The following ERCC8 variants were observed in gnomAD, a reference collection of about 807,000 sequenced individuals.
The protein encoded by ERCC8 is DNA excision repair protein ERCC-8.
ERCC8 carries 52 observed loss-of-function variants against 54.9 expected under a neutral mutation model. That is an observed-to-expected ratio of 0.95 (90% CI 0.76 to 1.19). The LOEUF (loss-of-function observed/expected upper bound fraction) is 1.19. ERCC8 is among the 50% of genes most tolerant of loss of function. The pLI is 0.00. For missense variants in ERCC8, 514 were observed against 466.1 expected (o/e 1.10, Z -0.95); for synonymous variants, 146 against 157.2 (o/e 0.93, Z 0.53).
rs948929718 is a variant in ERCC8, at chr5:60,880,769, AT to A, written c.1123-6087del. Among the ~76,000 whole-genome samples the A allele has an allele frequency of 3.3e-5, 5 of 151,726 alleles. No individual in the cohort carries two copies. In the South Asian group the frequency reaches 1.0e-3, roughly 32 times the overall value. On this transcript the variant is annotated intron_variant, in intron 11 of 11. Coordinates refer to ENST00000676185, the MANE Select transcript of ERCC8 (RefSeq NM_000082.4). ...GTTATTCTAGTTAGCCATTTGTCTA[AT>A]TTTTTTTCAAGGTTTTTAACTTCTT...
At chr5:60,895,503 C>T (rs117415642) in intron 9 of ERCC8, among the ~76,000 whole-genome samples, 5 of 152,030 alleles carry the variant, frequency 3.3e-5, no homozygotes, top group East Asian at 3.9e-4. Flanking sequence ...ATCTGTTAAA[C>T]GGAAATAACA....
At chr5:60,912,547 C>G (rs1250379013) in intron 4 of ERCC8, among the ~76,000 whole-genome samples, 1 of 151,936 alleles carries the variant, frequency 6.6e-6, no homozygotes, top group African/African-American at 2.4e-5. Flanking sequence ...ACAGGGAGAA[C>G]TTGACTTCCT....
In ERCC8 at chr5:60,869,047, C is replaced by T. The variant is rs985190983; in HGVS notation, c.*5568G>A. 1.3e-5 allele frequency among the ~76,000 whole-genome samples: 2 copies of T among 151,772 alleles called. No homozygotes were observed. The highest frequency in any genetic ancestry group is 1.9e-4 in the East Asian group (1 of 5,190). ...TGCTTTAGTGATAAGTTTTTTAGTT[C>T]GGGCTCAATAATTAGCACCTGAACA... On this transcript the variant is annotated 3_prime_UTR_variant, in exon 12 of 12. Transcript: ENST00000676185.
rs376401893 is a variant in ERCC8 at position 60,924,475 on chromosome 5, T to C, written c.174-2320A>G. The C allele has an allele frequency of 1.2e-4, 18 of 154,698 alleles. No homozygotes were observed. In the East Asian group the frequency reaches 3.5e-3, roughly 30 times the overall value. The allele number at this position is 154,698 out of a possible 1,614,324, so 9.6% of individuals were successfully genotyped here. A position where few individuals can be genotyped will look rare whatever the true frequency, so the allele number is the denominator to read the frequency against. On this transcript the variant is annotated intron_variant, in intron 2 of 11. Coordinates refer to ENST00000676185, the MANE Select transcript of ERCC8 (RefSeq NM_000082.4). ...TATAAAATCCTTGACTCACATTTTA[T>C]TTCCTTGAGCATCTTGGATAAGAAG...
At chr5:60,933,567 T>A (rs1162969293) in intron 1 of ERCC8, among the ~76,000 whole-genome samples, 1 of 152,200 alleles carries the variant, frequency 6.6e-6, no homozygotes, top group East Asian at 1.9e-4. Flanking sequence ...TTTACTTTTT[T>A]GAATTTTTAG....
chr5:60,928,981 A>C (rs927474367), intron 1 of ERCC8, 22 bp from the exon 2 acceptor site: 4 of 1,347,164 alleles, frequency 3.0e-6, no homozygotes, highest in Admixed American at 1.7e-5. Context: ...AAGGGGGAGA[A>C]AGAAATTAAC....
chr5:60,887,419 AT>A lies in ERCC8; in HGVS notation c.1122+20del. The A allele has an allele frequency of 1.9e-6, 3 of 1,552,548 alleles. No homozygotes were observed. Among genetic ancestry groups the A allele is most frequent in the Non-Finnish European group, 2.7e-6 (3 of 1,124,120 alleles). On this transcript the variant is annotated intron_variant, in intron 11 of 11. Coordinates refer to ENST00000676185, the MANE Select transcript of ERCC8 (RefSeq NM_000082.4). ...CTTAAGCTTTAGAAGTCACTGTACC[AT>A]TTGTGAAAATAATATTTACCTCATC...
Position 60,933,938 on chromosome 5 carries a change from T to TACAC in ERCC8, c.78-4983_78-4980dup, listed in dbSNP as rs70977815. On this transcript the variant is annotated intron_variant, in intron 1 of 11. Coordinates refer to ENST00000676185, the MANE Select transcript of ERCC8 (RefSeq NM_000082.4). ...TTTATGGCTGAGTAGTATTCCATGATACACACACACACACACACAACCACA... is the reference window on the plus strand; with the variant it reads ...TTTATGGCTGAGTAGTATTCCATGATACACACACACACACACACACACAACCACA... Among the ~76,000 whole-genome samples the TACAC allele has an allele frequency of 2.2e-3, 332 of 151,088 alleles. 5 individuals carry two copies. Among genetic ancestry groups the TACAC allele is most frequent in the African/African-American group, 7.5e-3 (311 of 41,280 alleles).
intron 7 of ERCC8, among the ~76,000 whole-genome samples, chr5:60,900,330 G>C (rs1748838908): frequency 6.6e-6 from 1 of 151,838 alleles, no homozygotes; most frequent in South Asian, 2.1e-4. Context: ...GCAAAAAGAA[G>C]AAAGGCAAAT....
chr5:60,888,065 A>C (rs1003208827), intron 10 of ERCC8, among the ~76,000 whole-genome samples: 1 of 152,172 alleles, frequency 6.6e-6, no homozygotes, highest in African/African-American at 2.4e-5. Context: ...ATGTCTACAG[A>C]TATGCTGTTT....
intron 1 of ERCC8, among the ~76,000 whole-genome samples, chr5:60,937,981 T>A: frequency 6.7e-6 from 1 of 150,144 alleles, no homozygotes; most frequent in African/African-American, 2.5e-5. Context: ...CTACATATTC[T>A]TTTTGTTCAA....
chr5:60,945,056 C>T lies in ERCC8; in HGVS notation c.-48G>A. The T allele has an allele frequency of 6.5e-7, 1 of 1,547,734 alleles. No individual in the cohort carries two copies. Among genetic ancestry groups the T allele is most frequent in the Non-Finnish European group, 8.9e-7 (1 of 1,119,516 alleles). On this transcript the variant is annotated 5_prime_UTR_variant, in exon 1 of 12. Transcript: ENST00000676185. ...AGCACTGGACGTCGCCATGACAGAGCTCAGGGGCGGGACTGGAACAGCAGA... is the reference window on the plus strand; with the variant it reads ...AGCACTGGACGTCGCCATGACAGAGTTCAGGGGCGGGACTGGAACAGCAGA...
At chr5:60,898,530 A>ACATTTTTT in intron 8 of ERCC8, 130 bp from the exon 9 acceptor site, 1 of 943,820 alleles carries the variant, frequency 1.1e-6, no homozygotes, top group Non-Finnish European at 1.6e-6. Flanking sequence ...GATTATACTT[A>ACATTTTTT]ACCAACCCTT....
intron 4 of ERCC8, among the ~76,000 whole-genome samples, chr5:60,914,200 C>G (rs1749357555): frequency 6.6e-6 from 1 of 152,036 alleles, no homozygotes; most frequent in Non-Finnish European, 1.5e-5. Context: ...GTGTTAAAGT[C>G]TCCCATTATT....
intron 4 of ERCC8, among the ~76,000 whole-genome samples, chr5:60,915,687 C>CA (rs1749412909): frequency 6.6e-6 from 1 of 151,916 alleles, no homozygotes; most frequent in Admixed American, 6.6e-5. Flanking sequence ...AATCCATCTT[C>CA]AAAGCTAGCA....
At chr5:60,923,928 ACT>A (rs1310480151) in intron 2 of ERCC8, among the ~76,000 whole-genome samples, 2 of 152,052 alleles carry the variant, frequency 1.3e-5, no homozygotes, top group Non-Finnish European at 2.9e-5. Flanking sequence ...TATCGTAGTC[ACT>A]GTCTTTCTCT....
rs192165687 is a variant in ERCC8 at position 60,867,224 on chromosome 5, G to T, written c.*7391C>A. Among the ~76,000 whole-genome samples the T allele has an allele frequency of 6.6e-6, 1 of 151,970 alleles. No homozygotes were observed. Among genetic ancestry groups the T allele is most frequent in the Non-Finnish European group, 1.5e-5 (1 of 67,998 alleles). On this transcript the variant is annotated 3_prime_UTR_variant, in exon 12 of 12. Coordinates refer to ENST00000676185, the MANE Select transcript of ERCC8 (RefSeq NM_000082.4). ...TGGTAGTGACCTAAGACAGACTCAG[G>T]ACTTTTGATTTCCAGTCCACTGTTA... is the stretch of plus-strand genomic sequence containing the variant.
At chr5:60,930,260 T>C (rs561863457) in intron 1 of ERCC8, among the ~76,000 whole-genome samples, 1 of 152,022 alleles carries the variant, frequency 6.6e-6, no homozygotes, top group South Asian at 2.1e-4. Context: ...CTAAACCCTG[T>C]CTCTACTAAA....
intron 7 of ERCC8, among the ~76,000 whole-genome samples, chr5:60,902,140 T>G (rs993503603): frequency 6.6e-6 from 1 of 152,098 alleles, no homozygotes. Flanking sequence ...AGGTTAAAGA[T>G]AATGAATAAA....
Sources: allele counts gnomAD v4.1 joint callset (sites outside exome capture counted in the v4.1 genomes callset), GRCh38; gene constraint gnomAD v4.1.1; transcripts MANE v1.5; gene names NCBI Gene and HGNC (gene_info 2026-07-23, HGNC 2026-07-21).